Variants in KATNAL2 observed in about 807,000 individuals in gnomAD.
KATNAL2 encodes the protein katanin catalytic subunit A1 like 2, also known as katanin p60 ATPase-containing subunit A-like 2.
A neutral mutation model predicts 76.3 loss-of-function variants in KATNAL2; 52 were observed. The ratio of observed to expected loss-of-function variants is 0.68; its 90% CI spans 0.55 to 0.86. The LOEUF (loss-of-function observed/expected upper bound fraction) is 0.86. Ranked by LOEUF, KATNAL2 falls within the 40% of genes least tolerant of loss-of-function variation. KATNAL2 has a pLI of 0.00. For synonymous variants in KATNAL2, 243 were observed against 244.2 expected, an observed-to-expected ratio of 1.00 and a Z score of 0.05; for missense variants, 660 against 668.9, an observed-to-expected ratio of 0.99 and a Z score of 0.15.
chr18:47,052,818 C>T, intron 4 of KATNAL2, 62 bp from the exon 5 acceptor site: 1 of 1,308,526 alleles, frequency 7.6e-7, no homozygotes. Flanking sequence ...CTTGTAATGC[C>T]TGTTAGCCAT....
At chr18:47,033,215 T>C (rs1599568432) in intron 3 of KATNAL2, 2 of 1,613,850 alleles carry the variant, frequency 1.2e-6, no homozygotes, top group African/African-American at 1.3e-5. Flanking sequence ...CTGGAGGGAG[T>C]GTGGCTGCTT....
At position 47,066,848 on chromosome 18, in the gene KATNAL2, TATATATATATATATA is replaced by T. The variant is rs1490356921; in HGVS notation, c.727-172_727-158del. Among the ~76,000 whole-genome samples the T allele has an allele frequency of 6.0e-3, 90 of 14,898 alleles. 3 individuals carry two copies. The highest frequency in any genetic ancestry group is 0.012 in the African/African-American group (64 of 5,462). The allele number at this position is 14,898 out of a possible 152,430, so 9.8% of individuals were successfully genotyped here. A position where few individuals can be genotyped will look rare whatever the true frequency, so the allele number is the denominator to read the frequency against. On this transcript the variant is annotated intron_variant, in intron 10 of 17. Transcript: ENST00000683218. The stretch of plus-strand genomic sequence containing the variant: ...CAAAATTACAATGTATATATGTGTT[TATATATATATATATA>T]TATATATATATATATATATATATAT...
chr18:46,921,168 C>T (rs2058518937), intron 1 of KATNAL2, among the ~76,000 whole-genome samples: 1 of 152,166 alleles, frequency 6.6e-6, no homozygotes, highest in Non-Finnish European at 1.5e-5. Flanking sequence ...CGCTCTGTTG[C>T]CCAGTCTGGA....
intron 3 of KATNAL2, among the ~76,000 whole-genome samples, chr18:46,952,395 T>TG (rs2059586589): frequency 2.6e-5 from 2 of 77,710 alleles, no homozygotes; most frequent in South Asian, 9.3e-4. Context: ...GCAGGTATGT[T>TG]TTTTTTTTTT....
chr18:47,035,438 G>T, intron 3 of KATNAL2: 3 of 1,380,608 alleles, frequency 2.2e-6, no homozygotes, highest in Non-Finnish European at 2.9e-6. Context: ...AGGCCACTTG[G>T]TCTGGAACGG....
intron 1 of KATNAL2, among the ~76,000 whole-genome samples, chr18:46,945,817 T>A (rs188640322): frequency 3.9e-5 from 6 of 152,354 alleles, no homozygotes; most frequent in Non-Finnish European, 8.8e-5. Context: ...CAATTTCACA[T>A]GGTGCCAAGT....
At chr18:47,062,037 C>A (rs183284519) in intron 8 of KATNAL2, among the ~76,000 whole-genome samples, 1 of 152,076 alleles carries the variant, frequency 6.6e-6, no homozygotes, top group Non-Finnish European at 1.5e-5. Context: ...GACTTACTCC[C>A]ACATCTATGA....
At chr18:46,935,697 C>T (rs549945856) in intron 1 of KATNAL2, among the ~76,000 whole-genome samples, 71 of 152,238 alleles carry the variant, frequency 4.7e-4, no homozygotes, top group African/African-American at 1.5e-3. Context: ...GTAGGCGGAT[C>T]GCAAAGTCAG....
intron 3 of KATNAL2, among the ~76,000 whole-genome samples, chr18:46,951,190 C>T (rs1368528978): frequency 1.3e-5 from 2 of 151,858 alleles, no homozygotes; most frequent in Admixed American, 6.6e-5. Context: ...AATATTAATC[C>T]GATTGTATAA....
At chr18:47,033,423 G>C in intron 3 of KATNAL2, 1 of 1,613,610 alleles carries the variant, frequency 6.2e-7, no homozygotes, top group South Asian at 1.1e-5. Flanking sequence ...GCTGCTCTGG[G>C]GCGTCCGGAA....
chr18:47,030,922 G>A (rs2060377445), intron 3 of KATNAL2, among the ~76,000 whole-genome samples: 1 of 61,652 alleles, frequency 1.6e-5, no homozygotes, highest in Non-Finnish European at 3.2e-5. Context: ...CTCCAGCTTT[G>A]GCTAACTTTC....
At chr18:47,060,018 A>G (rs554415459) in intron 8 of KATNAL2, among the ~76,000 whole-genome samples, 1 of 147,676 alleles carries the variant, frequency 6.8e-6, no homozygotes, top group Non-Finnish European at 1.5e-5. Context: ...TTTTTAAGAG[A>G]CAGGGTCTTG....
At chr18:47,077,244 A>C in intron 14 of KATNAL2, 107 bp from the exon 15 acceptor site, 3 of 793,460 alleles carry the variant, frequency 3.8e-6, no homozygotes, top group Non-Finnish European at 6.3e-6. Context: ...ATTGGCCATC[A>C]GAACAGAAAC....
intron 4 of KATNAL2, among the ~76,000 whole-genome samples, chr18:47,050,352 T>C (rs1469657275): frequency 6.6e-6 from 1 of 152,162 alleles, no homozygotes; most frequent in Non-Finnish European, 1.5e-5. Context: ...TGCATAGCCA[T>C]TGAGGAACTT....
intron 3 of KATNAL2, chr18:47,033,995 A>G (rs200276051): frequency 6.2e-7 from 1 of 1,613,874 alleles, no homozygotes; most frequent in East Asian, 2.2e-5. Context: ...GCCGAATCCC[A>G]GGACTCACGA....
At chr18:47,033,748 C>T in intron 3 of KATNAL2, 2 of 1,614,200 alleles carry the variant, frequency 1.2e-6, no homozygotes, top group Middle Eastern at 1.6e-4. Flanking sequence ...ATTCACTCTG[C>T]GTCCAGGGAA....
At chr18:47,084,727 T>C (rs1484939744) in intron 15 of KATNAL2, among the ~76,000 whole-genome samples, 1 of 151,586 alleles carries the variant, frequency 6.6e-6, no homozygotes, top group African/African-American at 2.4e-5. Flanking sequence ...CACGTGCTTG[T>C]AGTCCCAGCT....
rs546271529 is a variant in KATNAL2 at position 46,924,849 on chromosome 18, T to A, written c.-510+6923T>A. On this transcript the variant is annotated intron_variant, in intron 1 of 17. Transcript: ENST00000683218. ...AGGTATTTTATTCTCTTTGAAGCAA[T>A]TGTGAATGGGAGTTCACTCACGATT... 6.3e-3 allele frequency among the ~76,000 whole-genome samples: 965 copies of A among 152,328 alleles called. 16 individuals are homozygous for A. Among genetic ancestry groups the A allele is most frequent in the South Asian group, 0.011 (52 of 4,826 alleles).
chr18:46,933,417 G>A (rs1253337126), intron 1 of KATNAL2, among the ~76,000 whole-genome samples: 1 of 152,100 alleles, frequency 6.6e-6, no homozygotes, highest in African/African-American at 2.4e-5. Flanking sequence ...TAATAAACAT[G>A]CTCCATATTT....
Sources: allele counts gnomAD v4.1 joint callset (sites outside exome capture counted in the v4.1 genomes callset), GRCh38; gene constraint gnomAD v4.1.1; transcripts MANE v1.5; gene names NCBI Gene and HGNC (gene_info 2026-07-23, HGNC 2026-07-21).